The following SPON1 variants were observed in gnomAD, a reference collection of about 807,000 sequenced individuals.
SPON1 encodes the protein spondin 1, also known as spondin-1.
SPON1 carries 52 observed loss-of-function variants against 111.7 expected under a neutral mutation model. The ratio of observed to expected loss-of-function variants is 0.47; its 90% CI spans 0.37 to 0.59. The LOEUF is 0.59. SPON1 is among the 20% of genes least tolerant of loss of function. The probability of loss-of-function intolerance (pLI) is 0.00; values close to 1 mark genes in which losing one functional copy is unlikely to be tolerated. For synonymous variants in SPON1, 410 were observed against 395.8 expected, an observed-to-expected ratio of 1.04 and a Z score of -0.43; for missense variants, 957 against 1,068.5, an observed-to-expected ratio of 0.90 and a Z score of 1.46.
intron 5 of SPON1, among the ~76,000 whole-genome samples, chr11:14,126,261 G>A (rs2133856241): frequency 6.6e-6 from 1 of 152,232 alleles, no homozygotes; most frequent in African/African-American, 2.4e-5. Context: ...CCATCACTCT[G>A]CCATGTGCAG....
intron 6 of SPON1, among the ~76,000 whole-genome samples, chr11:14,183,279 C>G (rs1716454544): frequency 6.6e-6 from 1 of 152,098 alleles, no homozygotes; most frequent in South Asian, 2.1e-4. Flanking sequence ...ACCAGGCATG[C>G]TAATTAGATT....
intron 2 of SPON1, among the ~76,000 whole-genome samples, chr11:14,030,886 C>CA (rs1199611156): frequency 1.4e-4 from 22 of 152,124 alleles, no homozygotes; most frequent in Admixed American, 1.4e-3. Flanking sequence ...AATTGTTCTA[C>CA]AAAAAAGACA....
intron 3 of SPON1, among the ~76,000 whole-genome samples, chr11:14,066,896 G>C (rs1528644): frequency 0.46 from 69,407 of 151,944 alleles, 16,554 homozygotes; most frequent in South Asian, 0.66. Context: ...AACCGTCAGT[G>C]TGGGAGCAAT....
intron 3 of SPON1, among the ~76,000 whole-genome samples, chr11:14,056,267 C>T (rs1848743972): frequency 6.6e-6 from 1 of 152,146 alleles, no homozygotes; most frequent in African/African-American, 2.4e-5. Context: ...ACAGAATAAG[C>T]TCTAAACAAG....
chr11:14,017,147 G>A (rs1395281216), intron 2 of SPON1, among the ~76,000 whole-genome samples: 1 of 152,112 alleles, frequency 6.6e-6, no homozygotes, highest in African/African-American at 2.4e-5. Context: ...AGGTATTAGG[G>A]AAAATATTAC....
chr11:14,106,238 A>C, intron 5 of SPON1, among the ~76,000 whole-genome samples: 1 of 152,252 alleles, frequency 6.6e-6, no homozygotes, highest in East Asian at 1.9e-4. Flanking sequence ...CTCTGCTGTG[A>C]TTCCAAGAAA....
chr11:14,215,169 CCTCAGCCTCCCAA>C (rs1848613927), intron 6 of SPON1, among the ~76,000 whole-genome samples: 1 of 152,170 alleles, frequency 6.6e-6, no homozygotes, highest in East Asian at 1.9e-4. Flanking sequence ...AGTCCTCCCA[CCTCAGCCTCCCAA>C]GTAGCTGGGA....
chr11:14,260,829 T>TA, intron 14 of SPON1, 77 bp downstream of exon 14: 1 of 1,452,336 alleles, frequency 6.9e-7, no homozygotes. Flanking sequence ...CCAGTGCTAA[T>TA]ACTGCTAGAT....
rs66888680 is a variant in SPON1, at chr11:14,147,751, C to CTTTT, written c.825+12193_825+12196dup. On this transcript the variant is annotated intron_variant, in intron 6 of 15. Coordinates refer to ENST00000576479, the MANE Select transcript of SPON1 (RefSeq NM_006108.4). Reference sequence around the variant, plus strand: ...TTTTAAGTAGTGGAAAATACTAAGACTTTTTTTTTTTTTGAGAGGAGTCTC... The same window carrying CTTTT: ...TTTTAAGTAGTGGAAAATACTAAGACTTTTTTTTTTTTTTTTTGAGAGGAGTCTC... Among the ~76,000 whole-genome samples the CTTTT allele has an allele frequency of 4.1e-3, 600 of 145,694 alleles. 13 individuals carry two copies. Among genetic ancestry groups the CTTTT allele is most frequent in the East Asian group, 7.5e-3 (37 of 4,946 alleles).
intron 6 of SPON1, among the ~76,000 whole-genome samples, chr11:14,179,777 C>T (rs1554933529): frequency 1.3e-5 from 2 of 152,084 alleles, no homozygotes; most frequent in African/African-American, 2.4e-5. Context: ...TCCTCTTCTG[C>T]ACTTCTCGCA....
At chr11:13,990,110 T>C (rs1184417896) in intron 2 of SPON1, among the ~76,000 whole-genome samples, 1 of 152,164 alleles carries the variant, frequency 6.6e-6, no homozygotes, top group Admixed American at 6.5e-5. Context: ...TTGTTAATTT[T>C]CTATCTCATT....
chr11:13,990,624 C>G lies in SPON1; in HGVS notation c.345+7671C>G, dbSNP rs11603913. Among the ~76,000 whole-genome samples the G allele has an allele frequency of 4.2e-3, 638 of 151,902 alleles. 3 individuals are homozygous for G. The highest frequency in any genetic ancestry group is 6.9e-3 in the Non-Finnish European group (468 of 67,936). On this transcript the variant is annotated intron_variant, in intron 2 of 15. Coordinates refer to ENST00000576479, the MANE Select transcript of SPON1 (RefSeq NM_006108.4). ...TTTGATCCTGTCATTATGATGCTAG[C>G]TGGTTGTTTTTCCCGTTAGTTGATG... is the stretch of plus-strand genomic sequence containing the variant.
intron 7 of SPON1, among the ~76,000 whole-genome samples, chr11:14,253,699 G>C (rs1849076694): frequency 6.6e-6 from 1 of 152,198 alleles, no homozygotes; most frequent in Non-Finnish European, 1.5e-5. Context: ...TGCAGAGTCA[G>C]GCCAAGCTGC....
At chr11:14,258,712 G>A (rs1159145410) in intron 11 of SPON1, among the ~76,000 whole-genome samples, 2 of 152,224 alleles carry the variant, frequency 1.3e-5, no homozygotes, top group Non-Finnish European at 2.9e-5. Context: ...CTCTCCCAGT[G>A]TTGCACTTTC....
chr11:14,135,337 A>G lies in SPON1; in HGVS notation c.677-83A>G, dbSNP rs920303956. ...TCAGTGCTCTTTGAATCGATGTCCA[A>G]TTACGCATCCTCCCCATCATTTAAG... On this transcript the variant is annotated intron_variant, in intron 5 of 15. Transcript: ENST00000576479. This position sits in a 1 kb window ranked among gnomAD's most constrained non-coding sequence, Gnocchi z 4.4. The G allele has an allele frequency of 4.1e-6, 6 of 1,473,862 alleles. No homozygotes were observed. Among genetic ancestry groups the G allele is most frequent in the East Asian group, 2.3e-5 (1 of 43,754 alleles). 91.3% of individuals were successfully genotyped at this position (1,473,862 alleles called of 1,614,324 possible).
intron 5 of SPON1, among the ~76,000 whole-genome samples, chr11:14,129,838 G>A (rs547036700): frequency 5.3e-5 from 8 of 152,172 alleles, no homozygotes; most frequent in Non-Finnish European, 7.3e-5. Flanking sequence ...ATGGCAGAAG[G>A]TGAAGGAGAA....
At chr11:14,199,463 A>G (rs1848437815) in intron 6 of SPON1, among the ~76,000 whole-genome samples, 2 of 149,410 alleles carry the variant, frequency 1.3e-5, no homozygotes, top group Admixed American at 1.4e-4. Flanking sequence ...TTACTCCTCT[A>G]TCTCTTTCCT....
chr11:14,073,551 A>G (rs1359778988), intron 3 of SPON1, among the ~76,000 whole-genome samples: 1 of 151,974 alleles, frequency 6.6e-6, no homozygotes, highest in Non-Finnish European at 1.5e-5. Flanking sequence ...CCTCCCTTCC[A>G]CTTGCCTAAT....
At chr11:14,180,757 T>C (rs782746978) in intron 6 of SPON1, among the ~76,000 whole-genome samples, 41 of 152,168 alleles carry the variant, frequency 2.7e-4, no homozygotes, top group Non-Finnish European at 5.4e-4. Flanking sequence ...AACAAATAAG[T>C]TGTATATATT....
Sources: gnomAD v4.1 joint callset for allele counts (sites outside exome capture counted in the v4.1 genomes callset) on GRCh38, gnomAD v4.1.1 for gene constraint, Gnocchi (gnomAD v3.1) non-coding constraint, MANE v1.5 for transcripts, NCBI Gene and HGNC (gene_info 2026-07-23, HGNC 2026-07-21) for gene names.